ARL15: variants seen among roughly 807,000 people sequenced by gnomAD.
ARL15 encodes ARF like GTPase 15.
In ARL15, 19 loss-of-function variants were observed where a neutral mutation model predicts 25.2. The observed-to-expected ratio is 0.75, with a 90% confidence interval of 0.53 to 1.10. The LOEUF is 1.10. ARL15 is among the 50% of genes least tolerant of loss of function. ARL15 has a pLI of 0.00. For missense variants in ARL15, 220 were observed against 246.0 expected, an observed-to-expected ratio of 0.89 and a Z score of 0.71; for synonymous variants, 94 against 86.8, an observed-to-expected ratio of 1.08 and a Z score of -0.46.
At chr5:54,260,461 G>T (rs915304112) in intron 1 of ARL15, among the ~76,000 whole-genome samples, 1 of 151,814 alleles carries the variant, frequency 6.6e-6, no homozygotes, top group Non-Finnish European at 1.5e-5. Flanking sequence ...GTCACTTTTG[G>T]TACCTCAGGA....
chr5:53,894,244 T>C (rs955103576), intron 4 of ARL15, among the ~76,000 whole-genome samples: 1 of 152,224 alleles, frequency 6.6e-6, no homozygotes, highest in East Asian at 1.9e-4. Context: ...TTGCAGGTAA[T>C]CACCTGTGAT....
chr5:53,932,603 C>T (rs773975795), intron 4 of ARL15, among the ~76,000 whole-genome samples: 3 of 152,152 alleles, frequency 2.0e-5, no homozygotes, highest in Non-Finnish European at 4.4e-5. Flanking sequence ...TGGAAGACTC[C>T]GTGCCTTGAT....
At chr5:54,223,449 T>C (rs1756434606) in intron 1 of ARL15, among the ~76,000 whole-genome samples, 1 of 152,294 alleles carries the variant, frequency 6.6e-6, no homozygotes, top group African/African-American at 2.4e-5. Context: ...GAGCTAAAGT[T>C]GAATGCGATC....
At position 54,236,168 on chromosome 5, in the gene ARL15, T is replaced by C. The variant is rs115210764; in HGVS notation, c.49-64240A>G. 6.7e-3 allele frequency among the ~76,000 whole-genome samples: 1,023 copies of C among 152,322 alleles called. 9 individuals are homozygous for C. The highest frequency in any genetic ancestry group is 0.023 in the African/African-American group (957 of 41,564). On this transcript the variant is annotated intron_variant, in intron 1 of 4. Coordinates refer to ENST00000504924, the MANE Select transcript of ARL15 (RefSeq NM_019087.3). ...TGCCACTTTTAAACTCTGGCAGAGA[T>C]AGCTACTCCTTCCAACTGATAGTGT...
intron 1 of ARL15, among the ~76,000 whole-genome samples, chr5:54,210,394 G>A (rs1455988597): frequency 6.6e-6 from 1 of 151,958 alleles, no homozygotes; most frequent in African/African-American, 2.4e-5. Flanking sequence ...AATTTGCTCC[G>A]AATATTCTCT....
chr5:54,171,658 T>C (rs1197457855), intron 2 of ARL15, 126 bp downstream of exon 2: 3 of 1,178,016 alleles, frequency 2.5e-6, no homozygotes, highest in Admixed American at 6.3e-5. Context: ...GAGATAGTGT[T>C]TAAAATTAAA....
intron 3 of ARL15, among the ~76,000 whole-genome samples, chr5:54,140,495 G>A (rs913023949): frequency 6.6e-6 from 1 of 151,372 alleles, no homozygotes; most frequent in African/African-American, 2.4e-5. Flanking sequence ...TGCTTACACA[G>A]CCCACATTTA....
At chr5:54,083,520 A>G (rs1223551334) in intron 4 of ARL15, among the ~76,000 whole-genome samples, 4 of 152,230 alleles carry the variant, frequency 2.6e-5, no homozygotes, top group African/African-American at 9.6e-5. Flanking sequence ...AATGTGATAT[A>G]TACTGTTGCT....
At chr5:54,070,209 G>A (rs905457365) in intron 4 of ARL15, among the ~76,000 whole-genome samples, 1 of 151,520 alleles carries the variant, frequency 6.6e-6, no homozygotes, top group Non-Finnish European at 1.5e-5. Context: ...TGGCTAACAC[G>A]GTGAAACCCC....
At chr5:54,155,658 A>G (rs1042831845) in intron 2 of ARL15, among the ~76,000 whole-genome samples, 1 of 149,536 alleles carries the variant, frequency 6.7e-6, no homozygotes, top group African/African-American at 2.5e-5. Context: ...ACTGTGACAT[A>G]TGCAAGTGTG....
chr5:54,248,141 C>A (rs1331722773), intron 1 of ARL15, among the ~76,000 whole-genome samples: 5 of 152,102 alleles, frequency 3.3e-5, no homozygotes, highest in Non-Finnish European at 5.9e-5. Context: ...TTGTATCTCC[C>A]CCCAAATGTA....
At chr5:53,994,748 A>T (rs970232506) in intron 4 of ARL15, among the ~76,000 whole-genome samples, 9 of 152,236 alleles carry the variant, frequency 5.9e-5, no homozygotes, top group East Asian at 5.8e-4. Flanking sequence ...TTGTTTTAAA[A>T]TTTTTTTTAA....
chr5:54,026,537 T>A (rs984901624), intron 4 of ARL15, among the ~76,000 whole-genome samples: 1 of 152,220 alleles, frequency 6.6e-6, no homozygotes, highest in African/African-American at 2.4e-5. Context: ...CCCAAAGTAC[T>A]GGAATTACAG....
In ARL15 at chr5:54,113,230, T is replaced by C. The variant is rs1443445660; in HGVS notation, c.434A>G (p.Asp145Gly). The change falls in exon 4 of 5, where the codon GAC becomes GGC. Residue 145 changes from aspartate (D) to glycine (G), a missense_variant. Transcript: ENST00000504924. ...LPFLILANHQDKPAARSVQEI... is the reference protein window; with the variant it reads ...LPFLILANHQGKPAARSVQEI... ...TTGTACTGAGCGAGCTGCTGGCTTG[T>C]CTTGATGATTGGCCAATATTAAAAA... 6.2e-7 allele frequency: 1 copy of C among 1,613,790 alleles called. No homozygotes were observed. Among genetic ancestry groups the C allele is most frequent in the Admixed American group, 1.7e-5 (1 of 60,028 alleles).
chr5:53,938,701 C>T (rs967078188), intron 4 of ARL15, among the ~76,000 whole-genome samples: 3 of 152,268 alleles, frequency 2.0e-5, no homozygotes, highest in South Asian at 2.1e-4. Flanking sequence ...TGCCATGTGC[C>T]TCTAGGCACA....
intron 1 of ARL15, among the ~76,000 whole-genome samples, chr5:54,230,143 A>C (rs2112551950): frequency 6.6e-6 from 1 of 152,168 alleles, no homozygotes; most frequent in East Asian, 1.9e-4. Context: ...CAAGGTCAGG[A>C]GTTCAAGACC....
intron 4 of ARL15, among the ~76,000 whole-genome samples, chr5:53,900,046 G>A (rs2111934772): frequency 6.6e-6 from 1 of 152,288 alleles, no homozygotes; most frequent in Middle Eastern, 3.4e-3. Context: ...ATCAGTAACT[G>A]AAGAGGCCTG....
chr5:54,126,256 T>C (rs1226946287), intron 3 of ARL15, among the ~76,000 whole-genome samples: 4 of 152,164 alleles, frequency 2.6e-5, no homozygotes, highest in Non-Finnish European at 2.9e-5. Flanking sequence ...TGAGCACCAA[T>C]ACTCTTACTT....
rs189862164 is a variant in ARL15 at position 54,266,153 on chromosome 5, A to T, written c.48+44279T>A. ...GCAGCAACATCTTTTGAGCCTAAGCACCTTCACTAGTCCCAGAGTCATAGC... is the reference window on the plus strand; with the variant it reads ...GCAGCAACATCTTTTGAGCCTAAGCTCCTTCACTAGTCCCAGAGTCATAGC... On this transcript the variant is annotated intron_variant, in intron 1 of 4. Transcript: ENST00000504924. Among the ~76,000 whole-genome samples the T allele has an allele frequency of 2.3e-4, 35 of 152,282 alleles. No homozygotes were observed. In the East Asian group the frequency reaches 6.7e-3, roughly 29 times the overall value.
Sources: allele counts gnomAD v4.1 joint callset (sites outside exome capture counted in the v4.1 genomes callset), GRCh38; gene constraint gnomAD v4.1.1; transcripts MANE v1.5; gene names NCBI Gene and HGNC (gene_info 2026-07-23, HGNC 2026-07-21).